PROCR: variants seen among roughly 807,000 people sequenced by gnomAD.
PROCR encodes protein C receptor.
A neutral mutation model predicts 24.2 loss-of-function variants in PROCR; 22 were observed. The ratio of observed to expected loss-of-function variants is 0.91; its 90% CI spans 0.65 to 1.30. The LOEUF (loss-of-function observed/expected upper bound fraction) is 1.30, where lower values mean the gene tolerates loss of function less well. PROCR is among the 50% of genes most tolerant of loss of function. The pLI is 0.00. For synonymous variants in PROCR, 137 were observed against 139.2 expected, an observed-to-expected ratio of 0.98 and a Z score of 0.11; for missense variants, 288 against 307.7, an observed-to-expected ratio of 0.94 and a Z score of 0.48.
In PROCR at chr20:35,176,789, G is replaced by T; in HGVS notation, c.693G>T (p.Leu231=). 6.2e-7 allele frequency: 1 copy of T among 1,614,058 alleles called. No homozygotes were observed. Among genetic ancestry groups the T allele is most frequent in the Non-Finnish European group, 8.5e-7 (1 of 1,180,010 alleles). The change falls in exon 4 of 4, where the codon CTG becomes CTT. Residue 231 remains leucine, a synonymous_variant. Coordinates refer to ENST00000216968, the MANE Select transcript of PROCR (RefSeq NM_006404.5). ...IIAGVAVGIF[L]CTGGRRC ...CTGGTGTGGCTGTAGGCATCTTCCT[G>T]TGCACAGGTGGACGGCGATGTTAAT...
chr20:35,174,528 T>G, intron 1 of PROCR, 174 bp from the exon 2 acceptor site: 1 of 790,626 alleles, frequency 1.3e-6, no homozygotes, highest in Non-Finnish European at 2.2e-6. Flanking sequence ...CCCTGTCCTG[T>G]CCTCCTGGCA....
At position 35,176,752 on chromosome 20, in the gene PROCR, G is replaced by GT. The variant is rs1199665914; in HGVS notation, c.659dup (p.Ile221HisfsTer31). ...CTGGTCCTGGGCGTCCTGGTGGGCA[G>GT]TTTCATCATTGCTGGTGTGGCTGTA... On this transcript the variant is annotated frameshift_variant, in exon 4 of 4. Transcript: ENST00000216968. LOFTEE classifies it high-confidence loss of function. The GT allele has an allele frequency of 1.2e-6, 2 of 1,613,864 alleles. No homozygotes were observed. Among genetic ancestry groups the GT allele is most frequent in the African/African-American group, 2.7e-5 (2 of 74,912 alleles).
intron 1 of PROCR, among the ~76,000 whole-genome samples, chr20:35,173,923 A>T (rs2085978006): frequency 6.6e-6 from 1 of 152,292 alleles, no homozygotes; most frequent in Admixed American, 6.5e-5. Context: ...GCCAGGCTAA[A>T]GACTCTGGAC....
chr20:35,185,011 C>T (rs2086110811), intron 1 of PROCR, among the ~76,000 whole-genome samples: 1 of 122,246 alleles, frequency 8.2e-6, no homozygotes, highest in African/African-American at 3.3e-5. Context: ...CTACAATGAA[C>T]TCAAACGAAT....
intron 1 of PROCR, among the ~76,000 whole-genome samples, chr20:35,205,228 G>T (rs186843554): frequency 6.7e-6 from 1 of 150,328 alleles, no homozygotes; most frequent in East Asian, 2.0e-4. Flanking sequence ...AGCTGAGATC[G>T]CACCACTGTA....
In PROCR at chr20:35,201,043, C is replaced by T. The variant is rs572789774; in HGVS notation, c.95-14850C>T. Among the ~76,000 whole-genome samples the T allele has an allele frequency of 2.9e-4, 44 of 152,082 alleles. 2 individuals carry two copies. The South Asian group carries it at 7.1e-3, about 24-fold the overall frequency. ...TTACTGAAGTGGTCTAGAACTGAAC[C>T]TGCAATATTTCCAAGGTATGCCTGT... On this transcript the variant is annotated intron_variant, in intron 1 of 1. Coordinates refer to the PROCR transcript ENST00000634509.
intron 1 of PROCR, among the ~76,000 whole-genome samples, chr20:35,209,659 A>G (rs1219510750): frequency 6.6e-6 from 1 of 152,224 alleles, no homozygotes; most frequent in African/African-American, 2.4e-5. Flanking sequence ...AAAATCAGGA[A>G]TGTGCAATGA....
At chr20:35,191,385 A>G (rs1490647901) in intron 1 of PROCR, among the ~76,000 whole-genome samples, 2 of 152,252 alleles carry the variant, frequency 1.3e-5, no homozygotes, top group Non-Finnish European at 2.9e-5. Context: ...ACGTGGGAAT[A>G]GAGCAATATA....
intron 1 of PROCR, among the ~76,000 whole-genome samples, chr20:35,185,030 C>CAAAAAAAAAAAAAAAAAAAA (rs55715132): frequency 9.6e-6 from 1 of 104,106 alleles, no homozygotes; most frequent in Non-Finnish European, 2.0e-5. Context: ...ATCAGTAAGA[C>CAAAAAAAAAAAAAAAAAAAA]AAAAAAAAAA....
rs2085989226 is a variant in PROCR at position 35,174,747 on chromosome 20, C to G, written c.116C>G (p.Pro39Arg). 1 of 1,614,022 alleles carries G rather than the reference C, an allele frequency of 6.2e-7. No individual in the cohort carries two copies. Among genetic ancestry groups the G allele is most frequent in the Non-Finnish European group, 8.5e-7 (1 of 1,180,022 alleles). Residue 39 changes from proline (P) to arginine (R), a missense_variant, in exon 2 of 4, where the codon CCC becomes CGC. By Grantham distance (103) the Pro-to-Arg change is moderately radical. Transcript: ENST00000216968. ...HMLQISYFRD[P>R]YHVWYQGNAS... ...CTCCAGATCTCCTACTTCCGCGACCCCTATCACGTGTGGTACCAGGGCAAC... is the reference window on the plus strand; with the variant it reads ...CTCCAGATCTCCTACTTCCGCGACCGCTATCACGTGTGGTACCAGGGCAAC...
intron 1 of PROCR, 110 bp from the exon 2 acceptor site, chr20:35,174,592 A>AT: frequency 7.2e-7 from 1 of 1,384,978 alleles, no homozygotes; most frequent in Non-Finnish European, 1.0e-6. Context: ...ATTATAGTTT[A>AT]TGAAGGGTCG....
chr20:35,174,419 A>C (rs760660477), intron 1 of PROCR: 9 of 496,668 alleles, frequency 1.8e-5, no homozygotes, highest in African/African-American at 3.9e-5. Flanking sequence ...TTAACAGGAA[A>C]CGGGGGGAGG....
intron 1 of PROCR, 116 bp from the exon 2 acceptor site, chr20:35,174,586 T>C (rs2146142605): frequency 1.5e-6 from 2 of 1,305,472 alleles, no homozygotes; most frequent in African/African-American, 1.5e-5. Flanking sequence ...GGGCACATTA[T>C]AGTTTATGAA....
intron 3 of PROCR, 87 bp downstream of exon 3, chr20:35,176,533 G>C (rs774462530): frequency 6.9e-6 from 11 of 1,600,134 alleles, no homozygotes; most frequent in Admixed American, 5.1e-5. Context: ...GATGCCTAGA[G>C]CAACAAGAGG....
At chr20:35,178,507 GTTT>G (rs1203789471), downstream of PROCR, among the ~76,000 whole-genome samples, 22 of 34,376 alleles carry the variant, frequency 6.4e-4, 2 homozygotes, top group Admixed American at 6.0e-3. Flanking sequence ...TCAAGTCTCA[GTTT>G]TTTTTTTTTT....
At chr20:35,211,689 G>A (rs566999263) in intron 1 of PROCR, among the ~76,000 whole-genome samples, 43 of 152,210 alleles carry the variant, frequency 2.8e-4, no homozygotes, top group African/African-American at 9.9e-4. Flanking sequence ...AGAAACTCTA[G>A]GAGAGAAACT....
chr20:35,197,755 G>A lies in PROCR; in HGVS notation c.95-18138G>A, dbSNP rs571783828. Among the ~76,000 whole-genome samples, 3 of 151,464 alleles carry A rather than the reference G, an allele frequency of 2.0e-5. No individual in the cohort carries two copies. In the East Asian group the frequency reaches 5.9e-4, roughly 30 times the overall value. On this transcript the variant is annotated intron_variant, in intron 1 of 1. Transcript: ENST00000634509. ...GAGAATTGCTTGAACCCAGGAGGCAGGGGTCACAGTGAGCCGAGATCGCGC... is the reference window on the plus strand; with the variant it reads ...GAGAATTGCTTGAACCCAGGAGGCAAGGGTCACAGTGAGCCGAGATCGCGC...
In PROCR at chr20:35,174,829, G is replaced by T; in HGVS notation, c.198G>T (p.Thr66=). ...HVLEGPDTNT[T]IIQLQPLQEP... is the part of the protein sequence containing the mutation. Reference sequence around the variant, plus strand: ...TGGAAGGCCCAGACACCAACACCACGATCATTCAGCTGCAGCCCTTGCAGG... The same window carrying T: ...TGGAAGGCCCAGACACCAACACCACTATCATTCAGCTGCAGCCCTTGCAGG... Residue 66 remains threonine, a synonymous_variant, in exon 2 of 4, where the codon ACG becomes ACT. Coordinates refer to ENST00000216968, the MANE Select transcript of PROCR (RefSeq NM_006404.5). 6.2e-7 allele frequency: 1 copy of T among 1,614,034 alleles called. No individual in the cohort carries two copies.
chr20:35,174,981 T>TCTGGGCGGGGC lies in PROCR; in HGVS notation c.322+29_322+39dup. The TCTGGGCGGGGC allele has an allele frequency of 1.2e-5, 8 of 678,904 alleles. No individual in the cohort carries two copies. The South Asian group carries it at 1.7e-4, about 14-fold the overall frequency. 42.1% of individuals were successfully genotyped at this position (678,904 alleles called of 1,614,324 possible). ...GAGTAGGCGCGCAGCGGGGGCGGGG[T>TCTGGGCGGGGC]CTGGGCGGGGCTAGTGGGGGCGGGG... is the stretch of plus-strand genomic sequence containing the variant. On this transcript the variant is annotated intron_variant, in intron 2 of 3. Coordinates refer to ENST00000216968, the MANE Select transcript of PROCR (RefSeq NM_006404.5).
Sources: gnomAD v4.1 joint callset for allele counts (sites outside exome capture counted in the v4.1 genomes callset) on GRCh38, gnomAD v4.1.1 for gene constraint, MANE v1.5 for transcripts, NCBI Gene and HGNC (gene_info 2026-07-23, HGNC 2026-07-21) for gene names.